Variants in GPHN observed in about 807,000 individuals in gnomAD.
GPHN encodes gephyrin.
Under a neutral mutation model 95.5 loss-of-function variants are expected in GPHN, and 17 were observed. The observed-to-expected ratio is 0.18, with a 90% confidence interval of 0.12 to 0.27. The LOEUF is 0.27. Among genes scored for constraint, GPHN ranks in the 10% least tolerant of loss-of-function variants. The pLI is 1.00. For missense variants in GPHN, 660 were observed against 978.1 expected (o/e 0.67, Z 4.34); for synonymous variants, 320 against 322.5 (o/e 0.99, Z 0.08).
At chr14:66,765,713 G>A (rs185050284) in intron 2 of GPHN, among the ~76,000 whole-genome samples, 140 of 151,536 alleles carry the variant, frequency 9.2e-4, no homozygotes, top group African/African-American at 3.1e-3. Flanking sequence ...CTCCCATGAC[G>A]CACAATTTAC....
the GPHN span, chr14:67,411,897 TG>T: frequency 1.1e-6 from 1 of 899,042 alleles, no homozygotes; most frequent in South Asian, 1.7e-5. Flanking sequence ...GGTCCCACCA[TG>T]GGGGTTGGGG....
the GPHN span, among the ~76,000 whole-genome samples, chr14:67,277,599 T>TG: frequency 3.3e-5 from 5 of 150,996 alleles, no homozygotes; most frequent in East Asian, 9.7e-4. Context: ...TGCTCTTGAG[T>TG]GAAAAAAAAA....
intron 4 of GPHN, among the ~76,000 whole-genome samples, chr14:66,829,821 T>A (rs2061517560): frequency 6.6e-6 from 1 of 152,142 alleles, no homozygotes; most frequent in African/African-American, 2.4e-5. Context: ...GTACTGAAGT[T>A]AAAAAATGAG....
chr14:66,575,458 T>A (rs984980806), intron 1 of GPHN, among the ~76,000 whole-genome samples: 5 of 152,180 alleles, frequency 3.3e-5, no homozygotes, highest in African/African-American at 1.2e-4. Context: ...TTCTTTAGAG[T>A]CATTTAGTAG....
chr14:67,014,393 GT>G (rs1594818744), intron 9 of GPHN, among the ~76,000 whole-genome samples: 2 of 152,042 alleles, frequency 1.3e-5, no homozygotes, highest in Admixed American at 6.5e-5. Context: ...AATCTAGACA[GT>G]TTTTTTCCAG....
At chr14:66,551,778 GAGAA>G (rs1247570006) in intron 1 of GPHN, among the ~76,000 whole-genome samples, 1 of 152,202 alleles carries the variant, frequency 6.6e-6, no homozygotes, top group Non-Finnish European at 1.5e-5. Flanking sequence ...GCAGGAGGAA[GAGAA>G]AGAAGGAGGA....
the GPHN span, chr14:67,200,175 T>C: frequency 7.2e-5 from 83 of 1,156,610 alleles, no homozygotes; most frequent in Non-Finnish European, 1.0e-4. Context: ...CTCCACATGG[T>C]ATGCGTGGAC....
intron 2 of GPHN, among the ~76,000 whole-genome samples, chr14:66,715,370 T>G (rs186022363): frequency 6.6e-6 from 1 of 152,314 alleles, no homozygotes; most frequent in Admixed American, 6.5e-5. Context: ...TTTTGTCTCC[T>G]TTTCTTGGTT....
At chr14:67,671,160 T>C in the GPHN span, among the ~76,000 whole-genome samples, 3 of 152,200 alleles carry the variant, frequency 2.0e-5, no homozygotes, top group Non-Finnish European at 4.4e-5. Context: ...GTTGGACTTA[T>C]TATAATTCTA....
intron 1 of GPHN, among the ~76,000 whole-genome samples, chr14:66,546,421 G>T (rs1351991610): frequency 1.3e-5 from 2 of 152,136 alleles, no homozygotes; most frequent in Non-Finnish European, 2.9e-5. Flanking sequence ...AAGGCAGGCG[G>T]CTGGGAGGTG....
chr14:67,733,680 G>C, the GPHN span: 9 of 1,021,038 alleles, frequency 8.8e-6, no homozygotes, highest in Non-Finnish European at 1.4e-5. Flanking sequence ...CTGAGAAAGG[G>C]ACCATAAAGA....
At chr14:67,437,413 G>A in the GPHN span, among the ~76,000 whole-genome samples, 2 of 152,250 alleles carry the variant, frequency 1.3e-5, no homozygotes, top group Admixed American at 6.5e-5. Flanking sequence ...AGCCTGGTTG[G>A]AGGGGTGGGC....
the GPHN span, chr14:67,360,451 C>G: frequency 5.2e-6 from 2 of 380,968 alleles, no homozygotes; most frequent in Non-Finnish European, 9.3e-6. Context: ...CACACACATA[C>G]CTCAGGTGAC....
At chr14:67,325,710 A>G in the GPHN span, among the ~76,000 whole-genome samples, 3 of 152,106 alleles carry the variant, frequency 2.0e-5, no homozygotes, top group African/African-American at 7.2e-5. Flanking sequence ...ACTTCCTAAC[A>G]TGCACACTTA....
chr14:67,488,152 A>C, the GPHN span, among the ~76,000 whole-genome samples: 1 of 151,926 alleles, frequency 6.6e-6, no homozygotes, highest in Admixed American at 6.6e-5. Flanking sequence ...GGGAGCTGGC[A>C]CTCCCCTGTG....
In GPHN at chr14:67,091,353, C is replaced by G. The variant is rs533190485; in HGVS notation, c.1237+2278C>G. Among the ~76,000 whole-genome samples the G allele has an allele frequency of 1.3e-4, 20 of 151,662 alleles. No homozygotes were observed. The East Asian group carries it at 3.9e-3, about 29-fold the overall frequency. ...TATCCAGACAGAAAATTATTTTATT[C>G]TTGTGATAGCTTCACTGGCTCTTCT... On this transcript the variant is annotated intron_variant, in intron 12 of 22. Coordinates refer to ENST00000478722, the MANE Select transcript of GPHN (RefSeq NM_020806.5).
At chr14:66,886,221 C>T (rs1382032584) in intron 5 of GPHN, among the ~76,000 whole-genome samples, 1 of 152,136 alleles carries the variant, frequency 6.6e-6, no homozygotes, top group African/African-American at 2.4e-5. Flanking sequence ...ATGGGACTGT[C>T]CATAATCAGG....
intron 1 of GPHN, among the ~76,000 whole-genome samples, chr14:66,657,008 C>G (rs2065344066): frequency 6.6e-6 from 1 of 152,174 alleles, no homozygotes; most frequent in African/African-American, 2.4e-5. Flanking sequence ...AGGTCAAAAG[C>G]TAGGCCTCTC....
chr14:67,210,234 A>G, the GPHN span, among the ~76,000 whole-genome samples: 1 of 152,256 alleles, frequency 6.6e-6, no homozygotes, highest in Admixed American at 6.5e-5. Context: ...AGGAAATAGT[A>G]TGTCGATTTC....
Sources: gnomAD v4.1 joint callset for allele counts (sites outside exome capture counted in the v4.1 genomes callset) on GRCh38, gnomAD v4.1.1 for gene constraint, MANE v1.5 for transcripts, NCBI Gene and HGNC (gene_info 2026-07-23, HGNC 2026-07-21) for gene names.